RELN: variants seen among roughly 807,000 people sequenced by gnomAD.
RELN encodes the protein reelin.
A neutral mutation model predicts 427.6 loss-of-function variants in RELN; 108 were observed. The ratio of observed to expected loss-of-function variants is 0.25; its 90% CI spans 0.22 to 0.30. The LOEUF is 0.30. Among genes scored for constraint, RELN ranks in the 10% least tolerant of loss-of-function variants. RELN has a pLI of 1.00. For missense variants in RELN, 3,715 were observed against 4,302.8 expected (o/e 0.86, Z 3.82); for synonymous variants, 1,524 against 1,513.4 (o/e 1.01, Z -0.16).
At chr7:103,643,764 G>A (rs1229319334) in intron 16 of RELN, among the ~76,000 whole-genome samples, 3 of 151,918 alleles carry the variant, frequency 2.0e-5, no homozygotes. Flanking sequence ...GAAAAAAACT[G>A]TTAACCATGA....
At chr7:103,550,082 C>G (rs10274446) in intron 41 of RELN, among the ~76,000 whole-genome samples, 1 of 152,054 alleles carries the variant, frequency 6.6e-6, no homozygotes, top group Non-Finnish European at 1.5e-5. Context: ...CTGGCATAAT[C>G]GCAAGAATTA....
chr7:103,548,249 C>A lies in RELN; in HGVS notation c.6302+2818G>T, dbSNP rs529916168. ...GAAGGAACAAAATTTGACTATTTTG[C>A]ACCTGAGAACATTTAATACACTTTT... is the stretch of plus-strand genomic sequence containing the variant. On this transcript the variant is annotated intron_variant, in intron 41 of 64. Coordinates refer to ENST00000428762, the MANE Select transcript of RELN (RefSeq NM_005045.4). 2.0e-4 allele frequency among the ~76,000 whole-genome samples: 31 copies of A among 152,282 alleles called. No homozygotes were observed. In the South Asian group the frequency reaches 6.4e-3, roughly 32 times the overall value.
chr7:103,904,520 G>T (rs775204682), intron 2 of RELN, among the ~76,000 whole-genome samples: 2 of 152,116 alleles, frequency 1.3e-5, no homozygotes, highest in Non-Finnish European at 2.9e-5. Flanking sequence ...AGCATCTACT[G>T]TTCCTTGACT....
rs117243641 is a variant in RELN at position 103,717,737 on chromosome 7, A to C, written c.805+5403T>G. On this transcript the variant is annotated intron_variant, in intron 8 of 64. Coordinates refer to ENST00000428762, the MANE Select transcript of RELN (RefSeq NM_005045.4). ...TTTCAGAAGAGGTGTTCACTATTTCATAATAAGTTCCCCAAGGTCTTACTC... is the reference window on the plus strand; with the variant it reads ...TTTCAGAAGAGGTGTTCACTATTTCCTAATAAGTTCCCCAAGGTCTTACTC... Among the ~76,000 whole-genome samples the C allele has an allele frequency of 8.5e-4, 130 of 152,208 alleles. No homozygotes were observed. The South Asian group carries it at 0.013, about 15-fold the overall frequency.
chr7:103,483,027 G>C (rs1465548030), intron 62 of RELN, 56 bp from the exon 63 acceptor site: 1 of 1,376,120 alleles, frequency 7.3e-7, no homozygotes, highest in Non-Finnish European at 1.0e-6. Context: ...GAACTTTTTG[G>C]TATTTGACTT....
At chr7:103,669,392 T>G (rs1833341474) in intron 11 of RELN, among the ~76,000 whole-genome samples, 1 of 152,320 alleles carries the variant, frequency 6.6e-6, no homozygotes, top group African/African-American at 2.4e-5. Flanking sequence ...AAGCTCATTC[T>G]TTCATGAATT....
chr7:103,826,854 T>C (rs191859461), intron 3 of RELN, among the ~76,000 whole-genome samples: 1 of 152,200 alleles, frequency 6.6e-6, no homozygotes, highest in African/African-American at 2.4e-5. Flanking sequence ...CCAAGTACAA[T>C]AGTAATCCCA....
intron 11 of RELN, among the ~76,000 whole-genome samples, chr7:103,676,350 A>G (rs1833524029): frequency 6.6e-6 from 1 of 152,186 alleles, no homozygotes; most frequent in Admixed American, 6.5e-5. Context: ...ATACCATCTC[A>G]CACCAGTTAG....
intron 2 of RELN, among the ~76,000 whole-genome samples, chr7:103,880,122 ATC>A: frequency 6.6e-6 from 1 of 152,094 alleles, no homozygotes; most frequent in East Asian, 1.9e-4. Context: ...CTTGTTCTTC[ATC>A]TCTGTTACTT....
At chr7:103,852,915 A>G (rs1793859660) in intron 2 of RELN, among the ~76,000 whole-genome samples, 1 of 152,042 alleles carries the variant, frequency 6.6e-6, no homozygotes, top group Non-Finnish European at 1.5e-5. Context: ...CCTAGACAAG[A>G]CAAATAACAA....
chr7:103,903,320 G>C (rs886468436), intron 2 of RELN, among the ~76,000 whole-genome samples: 34 of 150,868 alleles, frequency 2.3e-4, no homozygotes, highest in African/African-American at 8.3e-4. Flanking sequence ...AGAGAGAAAA[G>C]TATTCCTGAT....
intron 3 of RELN, among the ~76,000 whole-genome samples, chr7:103,811,724 A>G (rs1792747707): frequency 6.6e-6 from 1 of 152,342 alleles, no homozygotes; most frequent in Admixed American, 6.5e-5. Context: ...TGGTGTTAAA[A>G]CAATTTCATA....
chr7:103,835,850 T>A (rs971269041), intron 2 of RELN, among the ~76,000 whole-genome samples: 5 of 152,126 alleles, frequency 3.3e-5, no homozygotes, highest in African/African-American at 9.7e-5. Context: ...GAAGCAGTGG[T>A]CTCTCATAAA....
intron 23 of RELN, 78 bp downstream of exon 23, chr7:103,604,268 T>A: frequency 6.5e-7 from 1 of 1,542,256 alleles, no homozygotes; most frequent in Non-Finnish European, 8.9e-7. Flanking sequence ...CATGTCACTC[T>A]GATGACAACT....
intron 2 of RELN, among the ~76,000 whole-genome samples, chr7:103,896,180 G>A (rs947352366): frequency 6.6e-6 from 1 of 152,024 alleles, no homozygotes; most frequent in African/African-American, 2.4e-5. Flanking sequence ...TGACACCACC[G>A]AATGCTGAAG....
intron 31 of RELN, among the ~76,000 whole-genome samples, chr7:103,568,011 G>T (rs570022503): frequency 2.0e-5 from 3 of 152,016 alleles, no homozygotes; most frequent in Non-Finnish European, 2.9e-5. Context: ...TGCTCAGGCT[G>T]GTCTCAAACT....
intron 2 of RELN, among the ~76,000 whole-genome samples, chr7:103,894,028 A>G (rs1045111267): frequency 2.6e-5 from 4 of 152,124 alleles, no homozygotes; most frequent in Admixed American, 2.6e-4. Context: ...TAAAATTCCT[A>G]TTTCAATAAC....
chr7:103,567,624 G>A (rs1310360561), intron 31 of RELN, among the ~76,000 whole-genome samples: 2 of 151,956 alleles, frequency 1.3e-5, no homozygotes, highest in Non-Finnish European at 2.9e-5. Flanking sequence ...TCTTTGGTAG[G>A]GGGGGTAGAG....
chr7:103,663,551 A>G (rs2073556), intron 11 of RELN, among the ~76,000 whole-genome samples: 88,312 of 151,754 alleles, frequency 0.58, 26,104 homozygotes, highest in South Asian at 0.64. Flanking sequence ...ACATTGGGAA[A>G]CACCCTCTTC....
Sources: gnomAD v4.1 joint callset for allele counts (sites outside exome capture counted in the v4.1 genomes callset) on GRCh38, gnomAD v4.1.1 for gene constraint, MANE v1.5 for transcripts, NCBI Gene and HGNC (gene_info 2026-07-23, HGNC 2026-07-21) for gene names.